Variants in HMCN1 observed in about 807,000 individuals in gnomAD.
HMCN1 encodes the protein hemicentin 1.
A neutral mutation model predicts 625.9 loss-of-function variants in HMCN1; 321 were observed. The ratio of observed to expected loss-of-function variants is 0.51; its 90% CI spans 0.47 to 0.56. The LOEUF (loss-of-function observed/expected upper bound fraction) is 0.56. Among genes scored for constraint, HMCN1 ranks in the 20% least tolerant of loss-of-function variants. HMCN1 has a pLI of 0.00. For synonymous variants in HMCN1, 2,425 were observed against 2,417.6 expected, an observed-to-expected ratio of 1.00 and a Z score of -0.09; for missense variants, 6,588 against 6,887.3, an observed-to-expected ratio of 0.96 and a Z score of 1.54.
Position 185,909,366 on chromosome 1 carries a change from G to A in HMCN1, c.651G>A (p.Gln217=). 5 of 1,612,784 alleles carry A rather than the reference G, an allele frequency of 3.1e-6. No homozygotes were observed. The highest frequency in any genetic ancestry group is 1.7e-4 in the Middle Eastern group (1 of 6,052). ...EVLKWVEEAV[Q]ASKVHLLSTD... Reference sequence around the variant, plus strand: ...TAAAATGGGTAGAAGAAGCAGTACAGGCCTCCAAAGTTCACCTTTTATCCA... The same window carrying A: ...TAAAATGGGTAGAAGAAGCAGTACAAGCCTCCAAAGTTCACCTTTTATCCA... The change falls in exon 5 of 107, where the codon CAG becomes CAA. Residue 217 remains glutamine, a synonymous_variant. Coordinates refer to ENST00000271588, the MANE Select transcript of HMCN1 (RefSeq NM_031935.3).
intron 97 of HMCN1, among the ~76,000 whole-genome samples, chr1:186,163,271 T>G (rs1353351266): frequency 6.6e-6 from 1 of 152,198 alleles, no homozygotes; most frequent in East Asian, 1.9e-4. Flanking sequence ...AAGCACAGTA[T>G]TCGGGTGGGA....
intron 11 of HMCN1, among the ~76,000 whole-genome samples, chr1:185,949,968 C>T (rs1303618240): frequency 6.6e-6 from 1 of 151,582 alleles, no homozygotes; most frequent in Non-Finnish European, 1.5e-5. Flanking sequence ...TTCTAAGAGG[C>T]GGGCTAGTGG....
chr1:185,969,843 A>G (rs1650686962), intron 14 of HMCN1, among the ~76,000 whole-genome samples: 1 of 152,190 alleles, frequency 6.6e-6, no homozygotes. Context: ...GGGGAAGCAT[A>G]AGGAAAAGCC....
chr1:185,961,800 T>G (rs1650043796), intron 11 of HMCN1, among the ~76,000 whole-genome samples: 1 of 152,140 alleles, frequency 6.6e-6, no homozygotes, highest in Non-Finnish European at 1.5e-5. Context: ...AAGAGAAAGT[T>G]TGAATAACTG....
At chr1:185,813,257 C>T (rs1048004865) in intron 1 of HMCN1, among the ~76,000 whole-genome samples, 30 of 152,088 alleles carry the variant, frequency 2.0e-4, no homozygotes, top group African/African-American at 7.2e-4. Flanking sequence ...TTAATGTAAT[C>T]ACTGAGGTTT....
chr1:186,166,137 G>A (rs1048885765), intron 98 of HMCN1, 47 bp from the exon 99 acceptor site: 8 of 1,610,616 alleles, frequency 5.0e-6, no homozygotes, highest in Non-Finnish European at 5.9e-6. Flanking sequence ...CTCCCAGAAA[G>A]TAAGGATTTT....
rs1229487621 is a variant in HMCN1 at position 186,005,225 on chromosome 1, T to A, written c.4475+1381T>A. 2.1e-3 allele frequency among the ~76,000 whole-genome samples: 237 copies of A among 112,766 alleles called. 10 individuals carry two copies. Among genetic ancestry groups the A allele is most frequent in the East Asian group, 5.3e-3 (14 of 2,634 alleles). The allele number at this position is 112,766 out of a possible 152,430, so 74.0% of individuals were successfully genotyped here. Reference sequence around the variant, plus strand: ...ATTGTTTATAAATGTTTATAAACAATTTTTTAATTGTTTATAAACGTTTAT... The same window carrying A: ...ATTGTTTATAAATGTTTATAAACAAATTTTTAATTGTTTATAAACGTTTAT... On this transcript the variant is annotated intron_variant, in intron 29 of 106. Coordinates refer to ENST00000271588, the MANE Select transcript of HMCN1 (RefSeq NM_031935.3).
At chr1:185,810,259 G>A (rs1452716920) in intron 1 of HMCN1, among the ~76,000 whole-genome samples, 1 of 152,084 alleles carries the variant, frequency 6.6e-6, no homozygotes, top group Admixed American at 6.6e-5. Context: ...GGGAAAATGT[G>A]TTATAGCTAA....
chr1:186,153,690 T>G, intron 96 of HMCN1, 60 bp from the exon 97 acceptor site: 1 of 1,429,932 alleles, frequency 7.0e-7, no homozygotes, highest in Non-Finnish European at 9.9e-7. Flanking sequence ...CATAGTCCCC[T>G]TAAGGGAAAA....
intron 4 of HMCN1, among the ~76,000 whole-genome samples, chr1:185,901,305 C>G (rs957255143): frequency 6.6e-6 from 1 of 151,792 alleles, no homozygotes; most frequent in Non-Finnish European, 1.5e-5. Context: ...CCAACTCTCT[C>G]TCTTTCTTCT....
intron 96 of HMCN1, 65 bp from the exon 97 acceptor site, chr1:186,153,685 T>TC (rs1650810328): frequency 7.7e-7 from 1 of 1,294,070 alleles, no homozygotes; most frequent in African/African-American, 1.5e-5. Flanking sequence ...CATTTCATAG[T>TC]CCCCTTAAGG....
At chr1:185,948,398 G>A (rs1668455510) in intron 11 of HMCN1, among the ~76,000 whole-genome samples, 2 of 151,332 alleles carry the variant, frequency 1.3e-5, no homozygotes, top group Admixed American at 6.6e-5. Context: ...GGAGATAGGG[G>A]TGGGGCCGTT....
At chr1:186,152,680 G>A (rs1571426174) in intron 95 of HMCN1, 70 bp from the exon 96 acceptor site, 1 of 1,596,790 alleles carries the variant, frequency 6.3e-7, no homozygotes, top group Non-Finnish European at 8.6e-7. Flanking sequence ...TGGTATGTAA[G>A]GTAAATCTGC....
At chr1:185,758,650 A>ACAAG (rs1021540319) in intron 1 of HMCN1, among the ~76,000 whole-genome samples, 17 of 151,948 alleles carry the variant, frequency 1.1e-4, no homozygotes, top group African/African-American at 3.9e-4. Context: ...AAATAAACAA[A>ACAAG]CACAAAAAAC....
intron 52 of HMCN1, 149 bp from the exon 53 acceptor site, chr1:186,074,592 C>A: frequency 2.9e-6 from 2 of 685,570 alleles, no homozygotes; most frequent in East Asian, 2.8e-5. Flanking sequence ...CAAAGTAAAT[C>A]AATTATTTTG....
intron 69 of HMCN1, among the ~76,000 whole-genome samples, chr1:186,105,379 T>C (rs1660562689): frequency 6.6e-6 from 1 of 152,262 alleles, no homozygotes; most frequent in Non-Finnish European, 1.5e-5. Context: ...ATTTTGCTTA[T>C]CTCAACTTTG....
chr1:185,762,810 A>G (rs1016468254), intron 1 of HMCN1, among the ~76,000 whole-genome samples: 1 of 152,202 alleles, frequency 6.6e-6, no homozygotes, highest in African/African-American at 2.4e-5. Context: ...GTTGGTTAAG[A>G]GCACAAGGTC....
At chr1:186,182,376 T>G in intron 105 of HMCN1, 89 bp downstream of exon 105, 3 of 1,473,154 alleles carry the variant, frequency 2.0e-6, no homozygotes, top group Non-Finnish European at 2.8e-6. Context: ...ATCATTCTCC[T>G]AGTGGCTTCC....
intron 52 of HMCN1, among the ~76,000 whole-genome samples, chr1:186,072,131 A>C (rs1658515271): frequency 6.6e-6 from 1 of 152,190 alleles, no homozygotes; most frequent in South Asian, 2.1e-4. Context: ...GAATGTGAAC[A>C]AAAACGTACT....
Sources: gnomAD v4.1 joint callset for allele counts (sites outside exome capture counted in the v4.1 genomes callset) on GRCh38, gnomAD v4.1.1 for gene constraint, MANE v1.5 for transcripts, NCBI Gene and HGNC (gene_info 2026-07-23, HGNC 2026-07-21) for gene names.